The following SASH1 variants were observed in gnomAD, a reference collection of about 807,000 sequenced individuals.
SASH1 encodes SAM and SH3 domain-containing protein 1.
SASH1 carries 44 observed loss-of-function variants against 125.2 expected under a neutral mutation model. The ratio of observed to expected loss-of-function variants is 0.35; its 90% CI spans 0.28 to 0.45. SASH1 has a LOEUF of 0.45. SASH1 is among the 20% of genes least tolerant of loss of function. The probability of loss-of-function intolerance (pLI) is 1.00; values close to 1 mark genes in which losing one functional copy is unlikely to be tolerated. For missense variants in SASH1, 1,426 were observed against 1,614.5 expected, an observed-to-expected ratio of 0.88 and a Z score of 2.00; for synonymous variants, 639 against 649.1, an observed-to-expected ratio of 0.98 and a Z score of 0.24.
At chr6:148,377,207 AAAAC>A (rs143048987) in intron 1 of SASH1, among the ~76,000 whole-genome samples, 3,903 of 83,928 alleles carry the variant, frequency 0.047, 175 homozygotes, top group East Asian at 0.24. Flanking sequence ...AAAAAAAAAC[AAAAC>A]AAACAAACAA....
chr6:148,437,462 T>C (rs1776337652), intron 2 of SASH1, among the ~76,000 whole-genome samples: 2 of 152,256 alleles, frequency 1.3e-5, no homozygotes, highest in Admixed American at 1.3e-4. Flanking sequence ...ATCAGTAAGC[T>C]GCCCTTGATA....
At chr6:148,341,676 A>G (rs1009239862), upstream of SASH1, among the ~76,000 whole-genome samples, 2 of 152,124 alleles carry the variant, frequency 1.3e-5, no homozygotes, top group Non-Finnish European at 2.9e-5. Flanking sequence ...ACAAAACAAA[A>G]CAAAACAAAC....
At chr6:148,398,757 A>G (rs1784052425) in intron 2 of SASH1, among the ~76,000 whole-genome samples, 1 of 152,186 alleles carries the variant, frequency 6.6e-6, no homozygotes, top group Non-Finnish European at 1.5e-5. Context: ...GATGGTGATC[A>G]GTATCTGTGG....
At chr6:148,321,317 G>A (rs1780627832) in intron 1 of SASH1, among the ~76,000 whole-genome samples, 1 of 151,094 alleles carries the variant, frequency 6.6e-6, no homozygotes, top group African/African-American at 2.4e-5. Context: ...CTTGAACCCA[G>A]AGACAGAGGT....
intron 1 of SASH1, among the ~76,000 whole-genome samples, chr6:148,346,890 CAT>C (rs1781539358): frequency 6.6e-6 from 1 of 152,178 alleles, no homozygotes; most frequent in Non-Finnish European, 1.5e-5. Context: ...AACACCACGA[CAT>C]GTGGTAGGCC....
chr6:148,414,825 C>T (rs1012281520), intron 2 of SASH1, among the ~76,000 whole-genome samples: 4 of 152,030 alleles, frequency 2.6e-5, no homozygotes, highest in African/African-American at 7.2e-5. Context: ...GCCACCATAC[C>T]GGGCTAATTT....
At chr6:148,355,562 G>C (rs985829602) in intron 1 of SASH1, among the ~76,000 whole-genome samples, 1 of 152,162 alleles carries the variant, frequency 6.6e-6, no homozygotes, top group African/African-American at 2.4e-5. Flanking sequence ...GTTACCCCAC[G>C]TTAATATTTT....
At chr6:148,413,315 A>G (rs1424000150) in intron 2 of SASH1, among the ~76,000 whole-genome samples, 2 of 152,188 alleles carry the variant, frequency 1.3e-5, no homozygotes, top group African/African-American at 4.8e-5. Flanking sequence ...CTGCTGGCTG[A>G]GCAAAGACAC....
At chr6:148,374,694 G>A (rs1212667417) in intron 1 of SASH1, among the ~76,000 whole-genome samples, 1 of 122,074 alleles carries the variant, frequency 8.2e-6, no homozygotes, top group Non-Finnish European at 1.7e-5. Flanking sequence ...GAGGTTTACA[G>A]CATTTTTTTT....
At chr6:148,313,660 G>A (rs1464086696) in intron 1 of SASH1, among the ~76,000 whole-genome samples, 1 of 152,100 alleles carries the variant, frequency 6.6e-6, no homozygotes, top group African/African-American at 2.4e-5. Flanking sequence ...GACATTTGTA[G>A]AGCAGATGGC....
chr6:148,448,631 T>TA (rs1776924411), intron 4 of SASH1, among the ~76,000 whole-genome samples: 1 of 152,140 alleles, frequency 6.6e-6, no homozygotes, highest in South Asian at 2.1e-4. Context: ...CCAGGCTTTT[T>TA]ACCCAGCCTG....
chr6:148,508,928 C>T, intron 8 of SASH1: 1 of 1,050,420 alleles, frequency 9.5e-7, no homozygotes, highest in Non-Finnish European at 1.3e-6. Flanking sequence ...TTTTCTGTTG[C>T]TTCAAGTAAA....
chr6:148,222,132 C>T, the SASH1 span, among the ~76,000 whole-genome samples: 8 of 152,162 alleles, frequency 5.3e-5, no homozygotes, highest in African/African-American at 1.9e-4. Flanking sequence ...GCTTTTCCTC[C>T]TTCACATTAA....
At chr6:148,424,414 C>T (rs886113403) in intron 2 of SASH1, among the ~76,000 whole-genome samples, 1 of 151,996 alleles carries the variant, frequency 6.6e-6, no homozygotes, top group African/African-American at 2.4e-5. Context: ...TTAGTAGAGA[C>T]GGGGTTTCAC....
chr6:148,521,467 C>A (rs139226300), intron 10 of SASH1, among the ~76,000 whole-genome samples: 1 of 152,238 alleles, frequency 6.6e-6, no homozygotes, highest in Non-Finnish European at 1.5e-5. Context: ...TTAAAACGAC[C>A]TTCTCTGTTG....
chr6:148,324,346 C>T (rs1303545205), intron 1 of SASH1, among the ~76,000 whole-genome samples: 1 of 152,042 alleles, frequency 6.6e-6, no homozygotes, highest in East Asian at 1.9e-4. Context: ...GTTAAAATTC[C>T]ACACAAGTCA....
chr6:148,448,347 T>C (rs1402421109), intron 4 of SASH1, among the ~76,000 whole-genome samples: 1 of 152,102 alleles, frequency 6.6e-6, no homozygotes, highest in Non-Finnish European at 1.5e-5. Context: ...TTTCTTTTTC[T>C]CTCTTTCCCT....
chr6:148,499,058 T>C (rs79548030), intron 8 of SASH1, among the ~76,000 whole-genome samples: 1 of 94,210 alleles, frequency 1.1e-5, no homozygotes, highest in Admixed American at 9.4e-5. Context: ...CTTTTTTTTG[T>C]TTTTTTTTTT....
At chr6:148,262,046 A>G in the SASH1 span, among the ~76,000 whole-genome samples, 2 of 152,062 alleles carry the variant, frequency 1.3e-5, no homozygotes, top group Non-Finnish European at 2.9e-5. Flanking sequence ...TCGTGCACTC[A>G]GATGCTCATG....
Sources: allele counts gnomAD v4.1 joint callset (sites outside exome capture counted in the v4.1 genomes callset), GRCh38; gene constraint gnomAD v4.1.1; transcripts MANE v1.5; gene names NCBI Gene and HGNC (gene_info 2026-07-23, HGNC 2026-07-21).